Variants in ZNF536 observed in about 807,000 individuals in gnomAD.
The protein encoded by ZNF536 is zinc finger protein 536.
Under a neutral mutation model 84.5 loss-of-function variants are expected in ZNF536, and 13 were observed. The observed-to-expected ratio is 0.15, with a 90% CI of 0.10 to 0.24. The LOEUF (loss-of-function observed/expected upper bound fraction) is 0.24, where lower values mean the gene tolerates loss of function less well. Among genes scored for constraint, ZNF536 ranks in the 10% least tolerant of loss-of-function variants. The pLI is 1.00. For missense variants in ZNF536, 1,536 were observed against 1,747.5 expected (o/e 0.88, Z 2.16); for synonymous variants, 811 against 742.5 (o/e 1.09, Z -1.50).
At chr19:30,631,216 A>C (rs2048875859) in intron 1 of ZNF536, among the ~76,000 whole-genome samples, 1 of 152,198 alleles carries the variant, frequency 6.6e-6, no homozygotes, top group Admixed American at 6.5e-5. Context: ...ATCAGGTGCA[A>C]GCCCCACACC....
At chr19:30,298,692 C>G (rs1338972740) in intron 2 of ZNF536, among the ~76,000 whole-genome samples, 3 of 152,236 alleles carry the variant, frequency 2.0e-5, no homozygotes, top group Non-Finnish European at 4.4e-5. Context: ...TTCCCCATAT[C>G]TGCAGGTATG....
At chr19:30,706,363 T>C (rs766867840) in intron 1 of ZNF536, among the ~76,000 whole-genome samples, 1 of 151,644 alleles carries the variant, frequency 6.6e-6, no homozygotes, top group Non-Finnish European at 1.5e-5. Flanking sequence ...GGCGGGTGCG[T>C]GTAGTCCCAG....
intron 1 of ZNF536, among the ~76,000 whole-genome samples, chr19:30,383,712 TTTCTTTC>T (rs2049136856): frequency 2.0e-5 from 1 of 51,220 alleles, no homozygotes; most frequent in Admixed American, 2.3e-4. Context: ...TCTTTCTTTC[TTTCTTTC>T]TTTCTTTCTT....
intron 1 of ZNF536, among the ~76,000 whole-genome samples, chr19:30,579,960 T>G (rs1394879382): frequency 6.6e-6 from 1 of 152,186 alleles, no homozygotes; most frequent in African/African-American, 2.4e-5. Context: ...AAAGCTGTCT[T>G]GAAAGATTGT....
At chr19:30,279,871 A>C (rs969060297) in intron 1 of ZNF536, among the ~76,000 whole-genome samples, 5 of 152,120 alleles carry the variant, frequency 3.3e-5, no homozygotes, top group Non-Finnish European at 7.4e-5. Flanking sequence ...TTCTCTCCAA[A>C]TCCTCCTTGC....
chr19:30,485,703 G>C (rs950828552), intron 2 of ZNF536, among the ~76,000 whole-genome samples: 15 of 133,982 alleles, frequency 1.1e-4, no homozygotes, highest in Admixed American at 2.1e-4. Flanking sequence ...CGGTGGGGTG[G>C]GGGGAAACAT....
intron 2 of ZNF536, among the ~76,000 whole-genome samples, chr19:30,450,323 G>C (rs1040631364): frequency 6.6e-6 from 1 of 152,060 alleles, no homozygotes; most frequent in African/African-American, 2.4e-5. Context: ...GGGGGCTGGA[G>C]GGGGGGAGAG....
At chr19:30,382,581 T>C (rs1022032134) in intron 1 of ZNF536, among the ~76,000 whole-genome samples, 1 of 151,942 alleles carries the variant, frequency 6.6e-6, no homozygotes, top group Admixed American at 6.6e-5. Flanking sequence ...TTTTTTTTTT[T>C]CTAAGAAGGA....
chr19:30,554,760 G>C (rs2045908958), intron 4 of ZNF536: 1 of 152,214 alleles, frequency 6.6e-6, no homozygotes, highest in Non-Finnish European at 1.5e-5. Context: ...TTTAGGTACT[G>C]ACAGGCGATG....
chr19:30,559,496 A>C (rs1807651863), downstream of ZNF536, among the ~76,000 whole-genome samples: 2 of 152,086 alleles, frequency 1.3e-5, no homozygotes, highest in African/African-American at 4.8e-5. Context: ...CGAGGGAAAA[A>C]TTCCTCCAAG....
chr19:30,244,518 A>G (rs750133542), intron 1 of ZNF536, among the ~76,000 whole-genome samples: 17 of 152,218 alleles, frequency 1.1e-4, no homozygotes, highest in South Asian at 2.1e-4. Context: ...GAAGCATGCT[A>G]ATATTTATCA....
chr19:30,268,938 G>A (rs536226626), intron 1 of ZNF536, among the ~76,000 whole-genome samples: 1 of 152,272 alleles, frequency 6.6e-6, no homozygotes, highest in East Asian at 1.9e-4. Flanking sequence ...ACCTGTTTGC[G>A]AATGGTTCTA....
intron 1 of ZNF536, among the ~76,000 whole-genome samples, chr19:30,603,481 G>A (rs940924400): frequency 3.3e-5 from 5 of 152,212 alleles, no homozygotes; most frequent in Non-Finnish European, 5.9e-5. Flanking sequence ...GTAAAAAATA[G>A]TGTGGAGTCT....
intron 1 of ZNF536, among the ~76,000 whole-genome samples, chr19:30,689,153 C>T (rs1047950592): frequency 2.0e-5 from 3 of 152,190 alleles, no homozygotes; most frequent in Non-Finnish European, 2.9e-5. Context: ...TTCCAGGCTA[C>T]GCAGCTGTTA....
At chr19:30,526,218 C>G (rs925546287) in intron 2 of ZNF536, among the ~76,000 whole-genome samples, 1 of 152,212 alleles carries the variant, frequency 6.6e-6, no homozygotes, top group Admixed American at 6.5e-5. Flanking sequence ...AAACCTTGCC[C>G]GCTGCATCCA....
intron 1 of ZNF536, among the ~76,000 whole-genome samples, chr19:30,381,719 G>A (rs1182995628): frequency 6.6e-6 from 1 of 152,206 alleles, no homozygotes; most frequent in Non-Finnish European, 1.5e-5. Flanking sequence ...GGGTATGGAT[G>A]CGGGGTGGTT....
At position 30,508,020 on chromosome 19, in the gene ZNF536, T is replaced by C. The variant is rs3786798; in HGVS notation, c.2171-26827T>C. 1.5e-3 allele frequency among the ~76,000 whole-genome samples: 228 copies of C among 152,314 alleles called. 7 individuals carry two copies. In the East Asian group the frequency reaches 0.04, roughly 26 times the overall value. ...GGAGTGATGAATGGTAAATATATGT[T>C]CATTAAATGGAAGAATGAGTGAGGC... On this transcript the variant is annotated intron_variant, in intron 2 of 4. Coordinates refer to ENST00000355537, the MANE Select transcript of ZNF536 (RefSeq NM_014717.3).
intron 1 of ZNF536, among the ~76,000 whole-genome samples, chr19:30,565,474 G>A (rs557726315): frequency 7.7e-4 from 118 of 152,322 alleles, no homozygotes; most frequent in Middle Eastern, 3.4e-3. Flanking sequence ...CCACTTCTGC[G>A]TAACCAGAAA....
intron 1 of ZNF536, among the ~76,000 whole-genome samples, chr19:30,412,447 A>C (rs1027993188): frequency 1.3e-5 from 2 of 152,028 alleles, no homozygotes; most frequent in Non-Finnish European, 2.9e-5. Context: ...GTAAGATATT[A>C]ATATAGTGAA....
Sources: allele counts gnomAD v4.1 joint callset (sites outside exome capture counted in the v4.1 genomes callset), GRCh38; gene constraint gnomAD v4.1.1; transcripts MANE v1.5; gene names NCBI Gene and HGNC (gene_info 2026-07-23, HGNC 2026-07-21).